The following ZNF804B variants were observed in gnomAD, a reference collection of about 807,000 sequenced individuals.
ZNF804B encodes zinc finger 804B.
Under a neutral mutation model 101.4 loss-of-function variants are expected in ZNF804B, and 80 were observed. The observed-to-expected ratio is 0.79, with a 90% CI of 0.66 to 0.95. The LOEUF (loss-of-function observed/expected upper bound fraction) is 0.95, where lower values mean the gene tolerates loss of function less well. ZNF804B is among the 40% of genes least tolerant of loss of function. The pLI, the probability that ZNF804B is intolerant of heterozygous loss-of-function variation, is 0.00. For synonymous variants in ZNF804B, 622 were observed against 558.8 expected, an observed-to-expected ratio of 1.11 and a Z score of -1.59; for missense variants, 1,673 against 1,561.9, an observed-to-expected ratio of 1.07 and a Z score of -1.20.
rs141444855 is a variant in ZNF804B, at chr7:89,011,561, C to G, written c.109-206594C>G. On this transcript the variant is annotated intron_variant, in intron 1 of 3. Coordinates refer to ENST00000333190, the MANE Select transcript of ZNF804B (RefSeq NM_181646.5). ...TAGAGATACAGGCATTGGGTAAATA[C>G]AGCTGTTCCAAATGGGAGCAATTGG... 5.6e-3 allele frequency among the ~76,000 whole-genome samples: 852 copies of G among 152,238 alleles called. 1 individual carries two copies. Among genetic ancestry groups the G allele is most frequent in the Non-Finnish European group, 9.2e-3 (629 of 68,022 alleles).
chr7:89,199,684 C>A (rs1266153189), intron 1 of ZNF804B, among the ~76,000 whole-genome samples: 1 of 151,766 alleles, frequency 6.6e-6, no homozygotes, highest in African/African-American at 2.4e-5. Flanking sequence ...CAAGGATGTA[C>A]TGCCTTTTCA....
intron 1 of ZNF804B, among the ~76,000 whole-genome samples, chr7:89,135,765 G>A (rs539644877): frequency 7.4e-4 from 113 of 152,000 alleles, no homozygotes; most frequent in Middle Eastern, 3.4e-3. Context: ...CATATCTCTT[G>A]TCTACTTTAG....
intron 1 of ZNF804B, among the ~76,000 whole-genome samples, chr7:89,015,318 ATTATT>A (rs982861444): frequency 6.7e-5 from 10 of 149,194 alleles, no homozygotes; most frequent in African/African-American, 2.5e-4. Context: ...TTTTTTTTTA[ATTATT>A]TTATTTTTAT....
intron 1 of ZNF804B, among the ~76,000 whole-genome samples, chr7:89,087,430 T>C (rs865975127): frequency 6.6e-6 from 1 of 151,958 alleles, no homozygotes; most frequent in Middle Eastern, 3.2e-3. Flanking sequence ...ATCATTTGAG[T>C]AATTATGTAG....
intron 1 of ZNF804B, among the ~76,000 whole-genome samples, chr7:89,120,087 T>A (rs1375787887): frequency 1.3e-5 from 2 of 152,074 alleles, no homozygotes; most frequent in Non-Finnish European, 2.9e-5. Context: ...AATGATACTG[T>A]CAGGGGCACC....
chr7:89,104,246 A>C (rs920630444), intron 1 of ZNF804B, among the ~76,000 whole-genome samples: 4 of 152,070 alleles, frequency 2.6e-5, no homozygotes, highest in African/African-American at 9.7e-5. Context: ...TACTGGATTC[A>C]TAGAATGAGT....
intron 2 of ZNF804B, among the ~76,000 whole-genome samples, chr7:89,305,738 T>G (rs943156063): frequency 6.6e-6 from 1 of 151,962 alleles, no homozygotes; most frequent in Non-Finnish European, 1.5e-5. Context: ...TTTTGTAAAT[T>G]CTTTTTTTTC....
chr7:88,857,805 CTCCTT>C (rs1791589940), intron 1 of ZNF804B, among the ~76,000 whole-genome samples: 1 of 136,460 alleles, frequency 7.3e-6, no homozygotes, highest in Non-Finnish European at 1.6e-5. Context: ...CCCTTTCTTT[CTCCTT>C]TCCTTTCTTT....
At chr7:89,025,566 A>G (rs1262668538) in intron 1 of ZNF804B, among the ~76,000 whole-genome samples, 3 of 152,164 alleles carry the variant, frequency 2.0e-5, no homozygotes, top group Non-Finnish European at 4.4e-5. Context: ...TTAAAAAACA[A>G]ACTTATTATA....
chr7:89,314,405 T>G (rs1790690576), intron 2 of ZNF804B, among the ~76,000 whole-genome samples: 1 of 152,162 alleles, frequency 6.6e-6, no homozygotes, highest in Admixed American at 6.5e-5. Context: ...ACTGTCCAGA[T>G]GAAAGCCACT....
chr7:89,121,079 T>A (rs11768742), intron 1 of ZNF804B, among the ~76,000 whole-genome samples: 33,756 of 152,154 alleles, frequency 0.22, 3,717 homozygotes, highest in Middle Eastern at 0.26. Context: ...GTTAACGAAC[T>A]GCCTGAGAGG....
chr7:89,234,704 C>T (rs1012146309), intron 2 of ZNF804B, among the ~76,000 whole-genome samples: 3 of 152,188 alleles, frequency 2.0e-5, no homozygotes, highest in Non-Finnish European at 4.4e-5. Flanking sequence ...CATAAGGAAA[C>T]ACCTTTCTCC....
Position 89,261,906 on chromosome 7 carries a change from C to T in ZNF804B, c.249+43611C>T, listed in dbSNP as rs2115815315. Among the ~76,000 whole-genome samples, 3 of 152,214 alleles carry T rather than the reference C, an allele frequency of 2.0e-5. No homozygotes were observed. In the Middle Eastern group the frequency reaches 0.01, roughly 518 times the overall value. The stretch of plus-strand genomic sequence containing the variant: ...TTCCATGAGGTGTGTTATTATATAG[C>T]TTAGTCATTTGAATCCGCTTTTCAT... On this transcript the variant is annotated intron_variant, in intron 2 of 3. Coordinates refer to ENST00000333190, the MANE Select transcript of ZNF804B (RefSeq NM_181646.5).
intron 2 of ZNF804B, among the ~76,000 whole-genome samples, chr7:89,232,237 A>C (rs906953276): frequency 1.3e-5 from 2 of 152,086 alleles, no homozygotes; most frequent in Middle Eastern, 3.2e-3. Flanking sequence ...ATATTAATTG[A>C]ATTTTTGGAT....
At chr7:88,956,387 C>A (rs2116080083) in intron 1 of ZNF804B, among the ~76,000 whole-genome samples, 1 of 151,508 alleles carries the variant, frequency 6.6e-6, no homozygotes, top group South Asian at 2.1e-4. Flanking sequence ...GTTAATTGCA[C>A]ACATACATAA....
At chr7:89,094,879 A>G (rs1789948862) in intron 1 of ZNF804B, among the ~76,000 whole-genome samples, 1 of 152,232 alleles carries the variant, frequency 6.6e-6, no homozygotes. Flanking sequence ...GGAGGGGAAC[A>G]GCAGAAAATC....
chr7:89,201,464 A>G (rs1486048836), intron 1 of ZNF804B, among the ~76,000 whole-genome samples: 1 of 152,004 alleles, frequency 6.6e-6, no homozygotes, highest in Non-Finnish European at 1.5e-5. Context: ...AATATTACCT[A>G]TTAGATATAT....
intron 1 of ZNF804B, among the ~76,000 whole-genome samples, chr7:88,969,406 C>G (rs1367522433): frequency 1.3e-5 from 2 of 151,596 alleles, no homozygotes; most frequent in African/African-American, 4.8e-5. Flanking sequence ...TACATCAATT[C>G]CATGTTACAA....
chr7:89,312,775 C>A (rs1334233056), intron 2 of ZNF804B, among the ~76,000 whole-genome samples: 1 of 151,264 alleles, frequency 6.6e-6, no homozygotes, highest in Non-Finnish European at 1.5e-5. Flanking sequence ...AGGAAGATTG[C>A]CTGAGGCCAG....
Sources: allele counts gnomAD v4.1 joint callset (sites outside exome capture counted in the v4.1 genomes callset), GRCh38; gene constraint gnomAD v4.1.1; transcripts MANE v1.5; gene names NCBI Gene and HGNC (gene_info 2026-07-23, HGNC 2026-07-21).